MACROD2: variants seen among roughly 807,000 people sequenced by gnomAD.
MACROD2 encodes the protein ADP-ribose glycohydrolase MACROD2.
Under a neutral mutation model 70.4 loss-of-function variants are expected in MACROD2, and 36 were observed. The ratio of observed to expected loss-of-function variants is 0.51; its 90% confidence interval spans 0.39 to 0.68. The LOEUF (loss-of-function observed/expected upper bound fraction) is 0.68, where lower values mean the gene tolerates loss of function less well. Ranked by LOEUF, MACROD2 falls within the 30% of genes least tolerant of loss-of-function variation. The pLI, the probability that MACROD2 is intolerant of heterozygous loss-of-function variation, is 0.00. For synonymous variants in MACROD2, 172 were observed against 178.8 expected, an observed-to-expected ratio of 0.96 and a Z score of 0.30; for missense variants, 496 against 538.4, an observed-to-expected ratio of 0.92 and a Z score of 0.78.
At chr20:14,717,724 T>G (rs1050424348) in intron 5 of MACROD2, among the ~76,000 whole-genome samples, 2 of 152,098 alleles carry the variant, frequency 1.3e-5, no homozygotes, top group African/African-American at 4.8e-5. Context: ...GTAATAGAAC[T>G]GATCCTTGAG....
intron 10 of MACROD2, among the ~76,000 whole-genome samples, chr20:15,902,109 C>G (rs1411615464): frequency 6.6e-6 from 1 of 152,196 alleles, no homozygotes; most frequent in African/African-American, 2.4e-5. Context: ...ATTCAGTGTG[C>G]ATGAGGTCCT....
intron 5 of MACROD2, among the ~76,000 whole-genome samples, chr20:14,744,037 A>G (rs1288435234): frequency 6.6e-6 from 1 of 152,174 alleles, no homozygotes; most frequent in Non-Finnish European, 1.5e-5. Context: ...CCAGAAAAAA[A>G]ATCAGCTTGA....
At chr20:15,114,211 A>G in intron 5 of MACROD2, among the ~76,000 whole-genome samples, 1 of 152,210 alleles carries the variant, frequency 6.6e-6, no homozygotes, top group East Asian at 1.9e-4. Context: ...AATGTGGTAG[A>G]CACACCGTAA....
chr20:14,322,730 T>A, intron 3 of MACROD2, among the ~76,000 whole-genome samples: 1 of 152,134 alleles, frequency 6.6e-6, no homozygotes, highest in Non-Finnish European at 1.5e-5. Context: ...AGGAGCAGTA[T>A]CTAGTAAAAC....
intron 13 of MACROD2, among the ~76,000 whole-genome samples, chr20:15,986,128 G>A (rs1375480003): frequency 6.6e-6 from 1 of 152,216 alleles, no homozygotes; most frequent in African/African-American, 2.4e-5. Context: ...GCCCAGGCCT[G>A]GTTTCGGGGC....
intron 8 of MACROD2, among the ~76,000 whole-genome samples, chr20:15,657,354 T>C (rs1009981189): frequency 3.3e-5 from 5 of 152,126 alleles, no homozygotes; most frequent in Non-Finnish European, 7.3e-5. Context: ...GAAAGAGAAA[T>C]CGAATTCGGC....
chr20:15,509,474 T>C (rs979130452), intron 8 of MACROD2, among the ~76,000 whole-genome samples: 2 of 152,130 alleles, frequency 1.3e-5, no homozygotes, highest in Admixed American at 1.3e-4. Context: ...GGCCAGGATG[T>C]TCCTAGGGTT....
intron 6 of MACROD2, among the ~76,000 whole-genome samples, chr20:15,415,933 T>C (rs2046141938): frequency 6.6e-6 from 1 of 152,168 alleles, no homozygotes; most frequent in South Asian, 2.1e-4. Flanking sequence ...AATCTTCTCA[T>C]CTTTATGGTT....
chr20:15,536,638 A>G (rs904682372), intron 8 of MACROD2, among the ~76,000 whole-genome samples: 17 of 152,346 alleles, frequency 1.1e-4, no homozygotes, highest in Middle Eastern at 3.4e-3. Context: ...GAAGTCGCCA[A>G]GCACTGGGTT....
chr20:14,790,352 G>A (rs775859338), intron 5 of MACROD2, among the ~76,000 whole-genome samples: 7 of 152,054 alleles, frequency 4.6e-5, no homozygotes, highest in Non-Finnish European at 8.8e-5. Context: ...CAAAGTATAG[G>A]TAGTGTGTTT....
intron 3 of MACROD2, among the ~76,000 whole-genome samples, chr20:14,343,392 G>A (rs1288098256): frequency 6.6e-6 from 1 of 152,080 alleles, no homozygotes; most frequent in East Asian, 1.9e-4. Context: ...ATGAAGACAG[G>A]TATGTGGCAC....
intron 3 of MACROD2, among the ~76,000 whole-genome samples, chr20:14,129,683 A>T (rs2054693645): frequency 6.6e-6 from 1 of 152,302 alleles, no homozygotes; most frequent in Admixed American, 6.5e-5. Flanking sequence ...TCATTGTCTT[A>T]TTTAAGAGAT....
At chr20:16,000,377 GATAGAT>G (rs1363086093) in intron 15 of MACROD2, among the ~76,000 whole-genome samples, 1 of 152,134 alleles carries the variant, frequency 6.6e-6, no homozygotes, top group African/African-American at 2.4e-5. Flanking sequence ...TCCCCAACCT[GATAGAT>G]TGGAAGAAAA....
At chr20:15,311,224 A>T (rs1002171727) in intron 6 of MACROD2, among the ~76,000 whole-genome samples, 4 of 152,196 alleles carry the variant, frequency 2.6e-5, no homozygotes, top group African/African-American at 9.6e-5. Context: ...AAAAAAAGGC[A>T]TAATTTTTAA....
chr20:15,510,315 T>C (rs1039284854), intron 8 of MACROD2, among the ~76,000 whole-genome samples: 18 of 152,158 alleles, frequency 1.2e-4, no homozygotes, highest in Non-Finnish European at 2.6e-4. Context: ...TTTCTGGAGA[T>C]AGAAGCATGC....
intron 3 of MACROD2, among the ~76,000 whole-genome samples, chr20:14,277,985 G>A (rs1434480914): frequency 6.6e-6 from 1 of 152,182 alleles, no homozygotes; most frequent in Non-Finnish European, 1.5e-5. Context: ...TGCCTTCTTA[G>A]AAGAATCTGG....
intron 5 of MACROD2, among the ~76,000 whole-genome samples, chr20:15,167,726 C>T (rs192529773): frequency 1.3e-4 from 20 of 152,214 alleles, no homozygotes; most frequent in African/African-American, 4.8e-4. Context: ...TCAGTTTATC[C>T]TCATGGCTCC....
chr20:15,533,339 A>G (rs2047829009), intron 8 of MACROD2, among the ~76,000 whole-genome samples: 2 of 152,206 alleles, frequency 1.3e-5, no homozygotes, highest in Non-Finnish European at 2.9e-5. Context: ...ATGTACATAG[A>G]TCGTGATAAT....
chr20:15,231,753 T>G (rs2076961139), intron 6 of MACROD2, among the ~76,000 whole-genome samples: 1 of 152,088 alleles, frequency 6.6e-6, no homozygotes, highest in South Asian at 2.1e-4. Context: ...ACAGATGGCA[T>G]GCAGATGGGC....
Sources: allele counts gnomAD v4.1 joint callset (sites outside exome capture counted in the v4.1 genomes callset), GRCh38; gene constraint gnomAD v4.1.1; transcripts MANE v1.5; gene names NCBI Gene and HGNC (gene_info 2026-07-23, HGNC 2026-07-21).